Variants in VGLL3 observed in about 807,000 individuals in gnomAD.
VGLL3 encodes the protein transcription cofactor vestigial-like protein 3.
A neutral mutation model predicts 29.2 loss-of-function variants in VGLL3; 18 were observed. The observed-to-expected ratio is 0.62, with a 90% CI of 0.43 to 0.91. VGLL3 has a LOEUF of 0.91. Ranked by LOEUF, VGLL3 falls within the 40% of genes least tolerant of loss-of-function variation. VGLL3 has a pLI of 0.00. For synonymous variants in VGLL3, 180 were observed against 151.8 expected (o/e 1.19, Z -1.36); for missense variants, 440 against 413.2 (o/e 1.06, Z -0.56).
At chr3:86,978,987 A>T (rs1002430726) in intron 1 of VGLL3, among the ~76,000 whole-genome samples, 185 bp from the exon 2 acceptor site, 2 of 152,228 alleles carry the variant, frequency 1.3e-5, no homozygotes, top group African/African-American at 2.4e-5. Context: ...CACACTAAAA[A>T]AAATACAACA....
rs1337206468 is a variant in VGLL3 at position 86,939,238 on chromosome 3, C to A, written c.*7786G>T. On this transcript the variant is annotated 3_prime_UTR_variant, in exon 4 of 4. Coordinates refer to ENST00000398399, the MANE Select transcript of VGLL3 (RefSeq NM_016206.4). ...GATAGAAAATGATGGAAGTCCAATA[C>A]TAATTGTTGTAGGTAGAATAATGGC... is the stretch of plus-strand genomic sequence containing the variant. 3.9e-5 allele frequency: 6 copies of A among 152,170 alleles called. No individual in the cohort carries two copies. The highest frequency in any genetic ancestry group is 6.5e-5 in the Admixed American group (1 of 15,272). 9.4% of individuals were successfully genotyped at this position (152,170 alleles called of 1,614,324 possible).
In VGLL3 at chr3:86,941,659, A is replaced by G. The variant is rs1174453807; in HGVS notation, c.*5365T>C. 1 of 152,044 alleles carries G rather than the reference A, an allele frequency of 6.6e-6. No homozygotes were observed. Among genetic ancestry groups the G allele is most frequent in the Non-Finnish European group, 1.5e-5 (1 of 67,978 alleles). The allele number at this position is 152,044 out of a possible 1,614,324, so 9.4% of individuals were successfully genotyped here. A position where few individuals can be genotyped will look rare whatever the true frequency, so the allele number is the denominator to read the frequency against. Reference sequence around the variant, plus strand: ...TTTGACCAATACTTTAAAACTATAAAAGTATTTTTAAACAAAAAAGCACAA... The same window carrying G: ...TTTGACCAATACTTTAAAACTATAAGAGTATTTTTAAACAAAAAAGCACAA... On this transcript the variant is annotated 3_prime_UTR_variant, in exon 4 of 4. Coordinates refer to ENST00000398399, the MANE Select transcript of VGLL3 (RefSeq NM_016206.4).
At chr3:86,966,732 C>T (rs1479566085) in intron 3 of VGLL3, among the ~76,000 whole-genome samples, 1 of 135,952 alleles carries the variant, frequency 7.4e-6, no homozygotes, top group African/African-American at 2.8e-5. Flanking sequence ...CAAGGTCTAT[C>T]TCAGATTTAG....
chr3:86,972,831 G>T (rs1705131347), intron 2 of VGLL3, among the ~76,000 whole-genome samples: 1 of 152,094 alleles, frequency 6.6e-6, no homozygotes, highest in South Asian at 2.1e-4. Flanking sequence ...ATGCCCAACT[G>T]TAATTTTGGT....
At position 86,939,316 on chromosome 3, in the gene VGLL3, G is replaced by C. The variant is rs939978886; in HGVS notation, c.*7708C>G. 2.6e-5 allele frequency: 4 copies of C among 152,118 alleles called. No individual in the cohort carries two copies. Among genetic ancestry groups the C allele is most frequent in the African/African-American group, 9.7e-5 (4 of 41,410 alleles). The allele number at this position is 152,118 out of a possible 1,614,324, so 9.4% of individuals were successfully genotyped here. On this transcript the variant is annotated 3_prime_UTR_variant, in exon 4 of 4. Transcript: ENST00000398399. ...AATATGTTACTGTACATGGAAAAAGGGCCTTTAAAGATGTAATTAAGAACC... is the reference window on the plus strand; with the variant it reads ...AATATGTTACTGTACATGGAAAAAGCGCCTTTAAAGATGTAATTAAGAACC...
At chr3:86,981,498 A>G (rs1705323226) in intron 1 of VGLL3, among the ~76,000 whole-genome samples, 1 of 151,842 alleles carries the variant, frequency 6.6e-6, no homozygotes, top group Non-Finnish European at 1.5e-5. Flanking sequence ...TATTTCATAT[A>G]TGTAATATAT....
chr3:86,964,268 C>T (rs930309078), intron 3 of VGLL3, among the ~76,000 whole-genome samples: 2 of 152,142 alleles, frequency 1.3e-5, no homozygotes, highest in Non-Finnish European at 2.9e-5. Context: ...GTAGTGGTAA[C>T]AGAGACCTGT....
In VGLL3 at chr3:86,943,478, C is replaced by T. The variant is rs1575855502; in HGVS notation, c.*3546G>A. On this transcript the variant is annotated 3_prime_UTR_variant, in exon 4 of 4. Transcript: ENST00000398399. The stretch of plus-strand genomic sequence containing the variant: ...TAATGAATAACAAGCTTCTCAAAGG[C>T]AACTTTCATGTCAGTGCTTAGAATT... 1 of 151,600 alleles carries T rather than the reference C, an allele frequency of 6.6e-6. No individual in the cohort carries two copies. The highest frequency in any genetic ancestry group is 2.4e-5 in the African/African-American group (1 of 41,312). The allele number at this position is 151,600 out of a possible 1,614,324, so 9.4% of individuals were successfully genotyped here.
rs910281550 is a variant in VGLL3 at position 86,938,216 on chromosome 3, T to C, written c.*8808A>G. ...TATGATGATTTGATATAGGTAAACATTGTGTAATCATTATCACAATCAAAT... is the reference window on the plus strand; with the variant it reads ...TATGATGATTTGATATAGGTAAACACTGTGTAATCATTATCACAATCAAAT... On this transcript the variant is annotated 3_prime_UTR_variant, in exon 4 of 4. Transcript: ENST00000398399. 2.0e-5 allele frequency: 3 copies of C among 152,246 alleles called. No homozygotes were observed. The highest frequency in any genetic ancestry group is 7.2e-5 in the African/African-American group (3 of 41,470). The allele number at this position is 152,246 out of a possible 1,614,324, so 9.4% of individuals were successfully genotyped here. A position where few individuals can be genotyped will look rare whatever the true frequency, so the allele number is the denominator to read the frequency against.
chr3:86,958,067 T>C (rs922070775), intron 3 of VGLL3, among the ~76,000 whole-genome samples: 1 of 152,180 alleles, frequency 6.6e-6, no homozygotes, highest in South Asian at 2.1e-4. Context: ...AAGACATATA[T>C]GTGCTTTTCT....
Position 86,969,148 on chromosome 3 carries a change from A to G in VGLL3, c.404-25T>C, listed in dbSNP as rs183565257. 294 of 1,534,704 alleles carry G rather than the reference A, an allele frequency of 1.9e-4. No individual in the cohort carries two copies. In the African/African-American group the frequency reaches 3.8e-3, roughly 20 times the overall value. The stretch of plus-strand genomic sequence containing the variant: ...TCTGAGAAGACAGAAAATAAAAAAC[A>G]TTATTAACATAAGACTCAGTTTTGG... On this transcript the variant is annotated intron_variant, in intron 2 of 3. Coordinates refer to ENST00000398399, the MANE Select transcript of VGLL3 (RefSeq NM_016206.4).
Position 86,958,890 on chromosome 3 carries a change from C to T in VGLL3, c.937+9700G>A, listed in dbSNP as rs141288022. On this transcript the variant is annotated intron_variant, in intron 3 of 3. Coordinates refer to ENST00000398399, the MANE Select transcript of VGLL3 (RefSeq NM_016206.4). Reference sequence around the variant, plus strand: ...AACATAACTCTGATGTTTTTTTCCTCAGTGGAAAATAGGCTTATGACATAT... The same window carrying T: ...AACATAACTCTGATGTTTTTTTCCTTAGTGGAAAATAGGCTTATGACATAT... Among the ~76,000 whole-genome samples the T allele has an allele frequency of 7.4e-3, 1,122 of 152,054 alleles. 17 individuals are homozygous for T. Among genetic ancestry groups the T allele is most frequent in the African/African-American group, 0.021 (861 of 41,486 alleles).
At chr3:86,962,585 A>T in intron 3 of VGLL3, 2 of 963,160 alleles carry the variant, frequency 2.1e-6, no homozygotes, top group South Asian at 4.8e-5. Context: ...TAAATATTTT[A>T]AAAATTGCAT....
At position 86,942,824 on chromosome 3, in the gene VGLL3, G is replaced by T. The variant is rs995081252; in HGVS notation, c.*4200C>A. The T allele has an allele frequency of 1.3e-5, 2 of 152,180 alleles. No homozygotes were observed. The highest frequency in any genetic ancestry group is 2.4e-5 in the African/African-American group (1 of 41,448). The allele number at this position is 152,180 out of a possible 1,614,324, so 9.4% of individuals were successfully genotyped here. ...GTAGGAGAAAAAGATTCTCTTTGCA[G>T]TAATTTCTTACAGAAAAACAATCAT... On this transcript the variant is annotated 3_prime_UTR_variant, in exon 4 of 4. Transcript: ENST00000398399.
At chr3:86,974,486 G>C (rs1705168525) in intron 2 of VGLL3, among the ~76,000 whole-genome samples, 1 of 152,142 alleles carries the variant, frequency 6.6e-6, no homozygotes. Flanking sequence ...AGCAGGATTA[G>C]AGGTAACTGA....
At chr3:86,982,985 C>T (rs1705360299) in intron 1 of VGLL3, among the ~76,000 whole-genome samples, 1 of 152,160 alleles carries the variant, frequency 6.6e-6, no homozygotes, top group Admixed American at 6.5e-5. Context: ...ATCCAACCAC[C>T]ACACTGCTTG....
intron 2 of VGLL3, 29 bp from the exon 3 acceptor site, chr3:86,969,152 T>G (rs538267690): frequency 1.3e-4 from 201 of 1,534,228 alleles, no homozygotes; most frequent in Middle Eastern, 1.8e-4. Flanking sequence ...AAAAACATTA[T>G]TAACATAAGA....
intron 3 of VGLL3, among the ~76,000 whole-genome samples, chr3:86,952,807 A>G (rs1427797761): frequency 6.6e-6 from 1 of 152,172 alleles, no homozygotes; most frequent in East Asian, 1.9e-4. Context: ...AAAATATCCA[A>G]ACTTCACCAG....
At chr3:86,988,649 A>G (rs1705505339) in intron 1 of VGLL3, among the ~76,000 whole-genome samples, 1 of 52,874 alleles carries the variant, frequency 1.9e-5, no homozygotes, top group African/African-American at 7.6e-5. Flanking sequence ...CCAAAAAAAA[A>G]AAAAAAAAAA....
Sources: allele counts gnomAD v4.1 joint callset (sites outside exome capture counted in the v4.1 genomes callset), GRCh38; gene constraint gnomAD v4.1.1; transcripts MANE v1.5; gene names NCBI Gene and HGNC (gene_info 2026-07-23, HGNC 2026-07-21).